The following TEAD1 variants were observed in gnomAD, a reference collection of about 807,000 sequenced individuals.
TEAD1 encodes the protein transcriptional enhancer factor TEF-1.
Under a neutral mutation model 54.9 loss-of-function variants are expected in TEAD1, and 9 were observed. The observed-to-expected ratio is 0.16, with a 90% CI of 0.10 to 0.29. The LOEUF is 0.29. TEAD1 is among the 10% of genes least tolerant of loss of function. The pLI is 1.00. For missense variants in TEAD1, 387 were observed against 535.9 expected (o/e 0.72, Z 2.74); for synonymous variants, 200 against 187.8 (o/e 1.07, Z -0.53).
chr11:12,780,406 G>T (rs1945518449), intron 3 of TEAD1, among the ~76,000 whole-genome samples: 1 of 151,908 alleles, frequency 6.6e-6, no homozygotes, highest in African/African-American at 2.4e-5. Context: ...ACCATACCCA[G>T]CTAAGTTTTG....
chr11:12,716,373 C>A (rs957450180), intron 2 of TEAD1, among the ~76,000 whole-genome samples: 12 of 152,264 alleles, frequency 7.9e-5, no homozygotes, highest in South Asian at 4.2e-4. Flanking sequence ...CACCCTTTTT[C>A]TGCTGACATC....
chr11:12,770,283 T>A (rs949497615), intron 3 of TEAD1, among the ~76,000 whole-genome samples: 3 of 152,112 alleles, frequency 2.0e-5, no homozygotes, highest in Admixed American at 6.5e-5. Context: ...TCATGTGCAA[T>A]CCGGGTACAA....
chr11:12,727,291 G>C (rs1318555499), intron 2 of TEAD1, among the ~76,000 whole-genome samples: 1 of 152,152 alleles, frequency 6.6e-6, no homozygotes, highest in Non-Finnish European at 1.5e-5. Context: ...TCACATTATA[G>C]TTCTGTGGGT....
At chr11:12,743,149 A>ACT (rs1944679487) in intron 2 of TEAD1, among the ~76,000 whole-genome samples, 1 of 152,198 alleles carries the variant, frequency 6.6e-6, no homozygotes, top group African/African-American at 2.4e-5. Flanking sequence ...AAGAAATGAA[A>ACT]CTCTGATCCA....
chr11:12,864,775 G>A (rs1947581882), intron 4 of TEAD1, 63 bp from the exon 5 acceptor site: 2 of 1,613,394 alleles, frequency 1.2e-6, no homozygotes, highest in Non-Finnish European at 1.7e-6. Flanking sequence ...CACTTGTAGG[G>A]GGCTTTTCAT....
At chr11:12,909,084 CT>C (rs1337356478) in intron 10 of TEAD1, among the ~76,000 whole-genome samples, 1 of 152,144 alleles carries the variant, frequency 6.6e-6, no homozygotes, top group Non-Finnish European at 1.5e-5. Context: ...AAAAAACAAT[CT>C]TCTATTGTCA....
chr11:12,925,123 G>T, intron 11 of TEAD1, 71 bp downstream of exon 11: 1 of 1,569,250 alleles, frequency 6.4e-7, no homozygotes, highest in South Asian at 1.1e-5. Context: ...ACCTTCCTTG[G>T]GGCAGAGAGT....
Position 12,716,249 on chromosome 11 carries a change from T to C in TEAD1, c.-55+40688T>C, listed in dbSNP as rs559069446. ...GGAACCACCGGACAAGCAGAATCGC[T>C]GTGCCCCAATCCAGCCTCATCTGTC... On this transcript the variant is annotated intron_variant, in intron 2 of 12. Coordinates refer to ENST00000527636, the MANE Select transcript of TEAD1 (RefSeq NM_021961.6). Among the ~76,000 whole-genome samples the C allele has an allele frequency of 5.6e-4, 85 of 152,256 alleles. 1 individual carries two copies. The highest frequency in any genetic ancestry group is 2.0e-3 in the African/African-American group (82 of 41,560).
chr11:12,885,709 GA>G (rs2134104382), intron 9 of TEAD1, among the ~76,000 whole-genome samples: 1 of 152,226 alleles, frequency 6.6e-6, no homozygotes, highest in African/African-American at 2.4e-5. Flanking sequence ...TTTTTTAAAA[GA>G]AATTAAAATA....
chr11:12,683,697 G>A (rs975042430), intron 2 of TEAD1, among the ~76,000 whole-genome samples: 2 of 152,156 alleles, frequency 1.3e-5, no homozygotes, highest in African/African-American at 4.8e-5. Flanking sequence ...CTCGCATATC[G>A]ATACGGTTTG....
At chr11:12,918,309 TTATATA>T (rs1290491484) in intron 10 of TEAD1, among the ~76,000 whole-genome samples, 5 of 150,096 alleles carry the variant, frequency 3.3e-5, no homozygotes, top group Admixed American at 3.3e-4. Context: ...TGACAGATAA[TTATATA>T]TATATAAAAT....
At chr11:12,710,005 A>C (rs191867590) in intron 2 of TEAD1, among the ~76,000 whole-genome samples, 1 of 125,588 alleles carries the variant, frequency 8.0e-6, no homozygotes, top group Admixed American at 9.0e-5. Context: ...GAAATAATGA[A>C]GTCTTACCAA....
chr11:12,896,013 A>C (rs1440282), intron 9 of TEAD1, among the ~76,000 whole-genome samples: 141,425 of 148,872 alleles, frequency 0.95, 67,632 homozygotes, highest in South Asian at 1. Context: ...CCTTTCAGTC[A>C]CCCTATGTGC....
chr11:12,726,812 T>C (rs1463729602), intron 2 of TEAD1, among the ~76,000 whole-genome samples: 2 of 151,926 alleles, frequency 1.3e-5, no homozygotes, highest in Non-Finnish European at 2.9e-5. Context: ...CATTACAGCC[T>C]GGGTGACAGA....
intron 10 of TEAD1, among the ~76,000 whole-genome samples, 157 bp from the exon 11 acceptor site, chr11:12,924,755 G>A (rs188698155): frequency 1.4e-4 from 21 of 152,200 alleles, no homozygotes; most frequent in African/African-American, 2.2e-4. Flanking sequence ...TTTAAAAAAC[G>A]ACAGATGGGT....
At chr11:12,718,365 G>T (rs1944108720) in intron 2 of TEAD1, among the ~76,000 whole-genome samples, 1 of 152,218 alleles carries the variant, frequency 6.6e-6, no homozygotes, top group African/African-American at 2.4e-5. Flanking sequence ...ATTGTCTTGG[G>T]GGCATGACAA....
At chr11:12,724,518 A>G (rs1359613956) in intron 2 of TEAD1, among the ~76,000 whole-genome samples, 1 of 152,212 alleles carries the variant, frequency 6.6e-6, no homozygotes, top group African/African-American at 2.4e-5. Flanking sequence ...CAAATTGACA[A>G]GGAGTGCTGA....
At chr11:12,695,398 T>A (rs1055746269) in intron 2 of TEAD1, among the ~76,000 whole-genome samples, 2 of 152,220 alleles carry the variant, frequency 1.3e-5, no homozygotes, top group Non-Finnish European at 2.9e-5. Flanking sequence ...TTTCCTTATG[T>A]TAAGAGAGGT....
intron 3 of TEAD1, among the ~76,000 whole-genome samples, chr11:12,775,912 C>G (rs976742013): frequency 6.6e-6 from 1 of 151,838 alleles, no homozygotes; most frequent in Non-Finnish European, 1.5e-5. Context: ...TGGAAAATAG[C>G]AAGAGTTAGA....
Sources: allele counts gnomAD v4.1 joint callset (sites outside exome capture counted in the v4.1 genomes callset), GRCh38; gene constraint gnomAD v4.1.1; transcripts MANE v1.5; gene names NCBI Gene and HGNC (gene_info 2026-07-23, HGNC 2026-07-21).